Variants in KIAA0825 observed in about 807,000 individuals in gnomAD.
The protein encoded by KIAA0825 is uncharacterized protein KIAA0825.
A neutral mutation model predicts 147.6 loss-of-function variants in KIAA0825; 119 were observed. The ratio of observed to expected loss-of-function variants is 0.81; its 90% CI spans 0.69 to 0.94. KIAA0825 has a LOEUF of 0.94. Ranked by LOEUF, KIAA0825 falls within the 40% of genes least tolerant of loss-of-function variation. The pLI is 0.00. For missense variants in KIAA0825, 1,381 were observed against 1,472.7 expected, an observed-to-expected ratio of 0.94 and a Z score of 1.02; for synonymous variants, 470 against 518.1, an observed-to-expected ratio of 0.91 and a Z score of 1.26.
intron 20 of KIAA0825, among the ~76,000 whole-genome samples, chr5:94,258,971 T>C (rs1776368693): frequency 6.6e-6 from 1 of 152,054 alleles, no homozygotes; most frequent in South Asian, 2.1e-4. Flanking sequence ...TGTAGTTCAT[T>C]CAATTATTAT....
intron 5 of KIAA0825, among the ~76,000 whole-genome samples, chr5:94,495,660 CTA>C (rs1459910392): frequency 6.6e-6 from 1 of 152,142 alleles, no homozygotes; most frequent in African/African-American, 2.4e-5. Context: ...TTCTCTTTAA[CTA>C]TTTTAGTTCA....
chr5:94,599,718 C>A (rs1255422872), intron 1 of KIAA0825, among the ~76,000 whole-genome samples: 1 of 152,140 alleles, frequency 6.6e-6, no homozygotes, highest in Non-Finnish European at 1.5e-5. Flanking sequence ...AGTGAAAAGA[C>A]AACCTATGGA....
intron 6 of KIAA0825, among the ~76,000 whole-genome samples, chr5:94,482,502 A>C: frequency 6.6e-6 from 1 of 152,026 alleles, no homozygotes; most frequent in African/African-American, 2.4e-5. Context: ...TCTCTTCCTC[A>C]CCAGATTTCT....
At chr5:94,487,892 G>A (rs942053484) in intron 5 of KIAA0825, among the ~76,000 whole-genome samples, 1 of 152,154 alleles carries the variant, frequency 6.6e-6, no homozygotes, top group Non-Finnish European at 1.5e-5. Flanking sequence ...AAGTGGAGCT[G>A]CAGTGAGCCA....
At chr5:94,370,152 T>C (rs1026394510) in intron 20 of KIAA0825, among the ~76,000 whole-genome samples, 1 of 152,072 alleles carries the variant, frequency 6.6e-6, no homozygotes, top group African/African-American at 2.4e-5. Context: ...TGAACTACTA[T>C]TATACAAAAA....
At chr5:94,272,121 A>C (rs1392236236) in intron 20 of KIAA0825, among the ~76,000 whole-genome samples, 1 of 151,336 alleles carries the variant, frequency 6.6e-6, no homozygotes, top group African/African-American at 2.4e-5. Context: ...AAAAAAAAAA[A>C]AAAAAAAAAA....
At chr5:94,235,849 A>G (rs748943808) in intron 20 of KIAA0825, among the ~76,000 whole-genome samples, 2 of 152,238 alleles carry the variant, frequency 1.3e-5, no homozygotes, top group Admixed American at 6.5e-5. Flanking sequence ...AAATGGAATA[A>G]TAAAGCTTGA....
intron 5 of KIAA0825, among the ~76,000 whole-genome samples, chr5:94,512,895 TATAAATAA>T (rs913420252): frequency 1.3e-5 from 2 of 151,986 alleles, no homozygotes; most frequent in African/African-American, 4.8e-5. Context: ...GACTCCATCT[TATAAATAA>T]ATAAATAAAT....
At chr5:94,489,933 C>G (rs1459534513) in intron 5 of KIAA0825, among the ~76,000 whole-genome samples, 1 of 150,858 alleles carries the variant, frequency 6.6e-6, no homozygotes, top group African/African-American at 2.4e-5. Context: ...TAACTAGTAG[C>G]TAGAAAATCA....
chr5:94,496,534 A>G (rs1171428244), intron 5 of KIAA0825, among the ~76,000 whole-genome samples: 4 of 152,198 alleles, frequency 2.6e-5, no homozygotes, highest in African/African-American at 9.7e-5. Flanking sequence ...GATGACGGAG[A>G]TAAGAGTAAT....
At chr5:94,489,887 C>CAAAAAAAA (rs747717616) in intron 5 of KIAA0825, among the ~76,000 whole-genome samples, 1 of 58,158 alleles carries the variant, frequency 1.7e-5, no homozygotes, top group African/African-American at 6.1e-5. Flanking sequence ...GACTCTGTCT[C>CAAAAAAAA]AAAAAAAAAA....
At chr5:94,497,969 G>A (rs193215878) in intron 5 of KIAA0825, among the ~76,000 whole-genome samples, 4 of 152,168 alleles carry the variant, frequency 2.6e-5, no homozygotes, top group East Asian at 3.9e-4. Flanking sequence ...GCATAAACTC[G>A]CATTAAAATT....
chr5:94,255,509 A>G (rs1447215422), intron 20 of KIAA0825, among the ~76,000 whole-genome samples: 1 of 151,988 alleles, frequency 6.6e-6, no homozygotes, highest in Non-Finnish European at 1.5e-5. Context: ...CAATGGAGAT[A>G]CGGTGTTGTG....
In KIAA0825 at chr5:94,309,242, C is replaced by T. The variant is rs564003790; in HGVS notation, c.3710+75126G>A. 6.7e-4 allele frequency among the ~76,000 whole-genome samples: 101 copies of T among 151,426 alleles called. 3 individuals carry two copies. Among genetic ancestry groups the T allele is most frequent in the Admixed American group, 4.5e-3 (69 of 15,180 alleles). On this transcript the variant is annotated intron_variant, in intron 20 of 20. Transcript: ENST00000682413. Reference sequence around the variant, plus strand: ...GCCCCCAAAGAATTTTCATTTTAGCCGAGGAGATAAAACACTTTCTCAAAT... The same window carrying T: ...GCCCCCAAAGAATTTTCATTTTAGCTGAGGAGATAAAACACTTTCTCAAAT...
intron 20 of KIAA0825, among the ~76,000 whole-genome samples, chr5:94,355,804 TA>T (rs1261373719): frequency 6.6e-6 from 1 of 152,238 alleles, no homozygotes; most frequent in Non-Finnish European, 1.5e-5. Flanking sequence ...GTGTTCATTG[TA>T]TTTGATATTG....
chr5:94,363,938 G>C (rs1745435626), intron 20 of KIAA0825, among the ~76,000 whole-genome samples: 1 of 151,950 alleles, frequency 6.6e-6, no homozygotes, highest in South Asian at 2.1e-4. Flanking sequence ...ACCTCAGAAA[G>C]TTCTATAAGC....
intron 20 of KIAA0825, among the ~76,000 whole-genome samples, chr5:94,202,727 T>C (rs932973964): frequency 1.3e-5 from 2 of 152,226 alleles, no homozygotes; most frequent in African/African-American, 4.8e-5. Context: ...AATTAAGTTA[T>C]TATTTCACCT....
intron 5 of KIAA0825, among the ~76,000 whole-genome samples, chr5:94,510,185 C>G (rs893156939): frequency 3.3e-5 from 5 of 152,234 alleles, no homozygotes; most frequent in African/African-American, 1.2e-4. Flanking sequence ...TAATTTCTAC[C>G]TTGAAGGACA....
chr5:94,201,414 T>A (rs1365917164), intron 20 of KIAA0825, among the ~76,000 whole-genome samples: 7 of 150,958 alleles, frequency 4.6e-5, no homozygotes, highest in Non-Finnish European at 1.0e-4. Context: ...AATGACACTT[T>A]AAAAAAAAAT....
Sources: gnomAD v4.1 joint callset for allele counts (sites outside exome capture counted in the v4.1 genomes callset) on GRCh38, gnomAD v4.1.1 for gene constraint, MANE v1.5 for transcripts, NCBI Gene and HGNC (gene_info 2026-07-23, HGNC 2026-07-21) for gene names.